ENTREP2: variants seen among roughly 807,000 people sequenced by gnomAD.
ENTREP2 encodes protein ENTREP2.
chr15:29,402,588 G>T, the ENTREP2 span, among the ~76,000 whole-genome samples: 7 of 152,178 alleles, frequency 4.6e-5, no homozygotes, highest in African/African-American at 1.7e-4. Flanking sequence ...GAGATTAAAG[G>T]TGTGAACCAC....
the ENTREP2 span, among the ~76,000 whole-genome samples, chr15:29,508,993 T>C: frequency 6.6e-6 from 1 of 152,234 alleles, no homozygotes; most frequent in Non-Finnish European, 1.5e-5. Flanking sequence ...ATTGTATATT[T>C]AGAAAACCTC....
At chr15:29,647,585 G>A in the ENTREP2 span, among the ~76,000 whole-genome samples, 1 of 152,196 alleles carries the variant, frequency 6.6e-6, no homozygotes, top group South Asian at 2.1e-4. Flanking sequence ...ATAGTCGATA[G>A]GTATTTTCTT....
At chr15:29,571,242 G>C in the ENTREP2 span, among the ~76,000 whole-genome samples, 1 of 152,098 alleles carries the variant, frequency 6.6e-6, no homozygotes. Flanking sequence ...GAGCGGGGGC[G>C]GCAGCGCATC....
At chr15:29,406,318 G>T in the ENTREP2 span, among the ~76,000 whole-genome samples, 1 of 152,274 alleles carries the variant, frequency 6.6e-6, no homozygotes, top group Admixed American at 6.5e-5. Context: ...AGGCCAAGGC[G>T]GGTGGATCAC....
chr15:29,328,420 A>G, the ENTREP2 span, among the ~76,000 whole-genome samples: 1 of 152,228 alleles, frequency 6.6e-6, no homozygotes, highest in Non-Finnish European at 1.5e-5. Context: ...AGATATGCTA[A>G]CTTTTAAAAA....
chr15:29,179,582 CTTT>C, the ENTREP2 span, among the ~76,000 whole-genome samples: 76 of 134,670 alleles, frequency 5.6e-4, no homozygotes, highest in Non-Finnish European at 1.3e-4. Context: ...CCGGAGTCGT[CTTT>C]TTTTTTTTTT....
the ENTREP2 span, among the ~76,000 whole-genome samples, chr15:29,554,746 C>T: frequency 1.3e-5 from 2 of 148,790 alleles, no homozygotes; most frequent in East Asian, 2.0e-4. Flanking sequence ...GGGAAGGGCC[C>T]GGGTATTCTC....
At chr15:29,176,603 A>C in the ENTREP2 span, among the ~76,000 whole-genome samples, 1 of 152,182 alleles carries the variant, frequency 6.6e-6, no homozygotes, top group Non-Finnish European at 1.5e-5. Context: ...TGGCACATGC[A>C]GGGCAGGAGC....
At chr15:29,489,628 T>G in the ENTREP2 span, among the ~76,000 whole-genome samples, 1 of 152,214 alleles carries the variant, frequency 6.6e-6, no homozygotes, top group East Asian at 1.9e-4. Flanking sequence ...TAAGAACATA[T>G]GTATTTTACG....
the ENTREP2 span, among the ~76,000 whole-genome samples, chr15:29,505,057 A>G: frequency 7.2e-5 from 11 of 152,268 alleles, no homozygotes; most frequent in Admixed American, 1.3e-4. The surrounding 1 kb of genome is among the most constrained non-coding windows in gnomAD (Gnocchi z 4.3). Flanking sequence ...AAATTGGAAT[A>G]TCTTATACAA....
At chr15:29,429,153 G>GTCTA in the ENTREP2 span, among the ~76,000 whole-genome samples, 1 of 151,072 alleles carries the variant, frequency 6.6e-6, no homozygotes, top group Admixed American at 6.6e-5. Context: ...ATGTCTATCT[G>GTCTA]TCCATCCATC....
the ENTREP2 span, among the ~76,000 whole-genome samples, chr15:29,150,664 C>T: frequency 6.6e-6 from 1 of 152,036 alleles, no homozygotes; most frequent in Non-Finnish European, 1.5e-5. Context: ...GGATATACAC[C>T]GGGAGGGAGA....
the ENTREP2 span, among the ~76,000 whole-genome samples, chr15:29,552,310 TA>T: frequency 6.6e-6 from 1 of 152,324 alleles, no homozygotes; most frequent in African/African-American, 2.4e-5. Context: ...TAAGAGTTGC[TA>T]AATCAAGAAA....
chr15:29,517,239 T>C, the ENTREP2 span, among the ~76,000 whole-genome samples: 1 of 152,140 alleles, frequency 6.6e-6, no homozygotes, highest in African/African-American at 2.4e-5. Flanking sequence ...GAAATGATAA[T>C]ATTAGTGTGC....
the ENTREP2 span, among the ~76,000 whole-genome samples, chr15:29,548,039 CAG>C: frequency 6.6e-6 from 1 of 151,856 alleles, no homozygotes; most frequent in African/African-American, 2.4e-5. Flanking sequence ...TTCATAGAAA[CAG>C]AAAGTAGAAG....
At chr15:29,553,193 G>C in the ENTREP2 span, among the ~76,000 whole-genome samples, 1 of 152,204 alleles carries the variant, frequency 6.6e-6, no homozygotes, top group Non-Finnish European at 1.5e-5. Flanking sequence ...CTGCTTGGGA[G>C]GCTGAGGCAT....
the ENTREP2 span, among the ~76,000 whole-genome samples, chr15:29,442,321 CA>C: frequency 6.6e-6 from 1 of 152,144 alleles, no homozygotes; most frequent in Non-Finnish European, 1.5e-5. Flanking sequence ...GTTGTGCCTC[CA>C]GCAAGCTACT....
At chr15:29,574,742 A>G in the ENTREP2 span, among the ~76,000 whole-genome samples, 1 of 152,028 alleles carries the variant, frequency 6.6e-6, no homozygotes, top group African/African-American at 2.4e-5. Context: ...GCTCTTTTTG[A>G]CCTGTACCTG....
chr15:29,193,539 A>G, the ENTREP2 span, among the ~76,000 whole-genome samples: 1 of 152,044 alleles, frequency 6.6e-6, no homozygotes, highest in Admixed American at 6.5e-5. Context: ...AGGCCTTTTG[A>G]CTTCGACTGA....
Sources: gnomAD v4.1 joint callset for allele counts (sites outside exome capture counted in the v4.1 genomes callset) on GRCh38, gnomAD v4.1.1 for gene constraint, Gnocchi (gnomAD v3.1) non-coding constraint, MANE v1.5 for transcripts, NCBI Gene and HGNC (gene_info 2026-07-23, HGNC 2026-07-21) for gene names.